Variants in CWC27 observed in about 807,000 individuals in gnomAD.
CWC27 encodes CWC27 spliceosome associated cyclophilin.
CWC27 carries 47 observed loss-of-function variants against 63.6 expected under a neutral mutation model. The observed-to-expected ratio is 0.74, with a 90% CI of 0.58 to 0.94. CWC27 has a LOEUF of 0.94. CWC27 is among the 40% of genes least tolerant of loss of function. The pLI, the probability that CWC27 is intolerant of heterozygous loss-of-function variation, is 0.00. For synonymous variants in CWC27, 175 were observed against 179.8 expected, an observed-to-expected ratio of 0.97 and a Z score of 0.22; for missense variants, 495 against 554.3, an observed-to-expected ratio of 0.89 and a Z score of 1.07.
At chr5:64,956,221 A>T (rs1248094155) in intron 11 of CWC27, among the ~76,000 whole-genome samples, 2 of 152,174 alleles carry the variant, frequency 1.3e-5, no homozygotes, top group Non-Finnish European at 2.9e-5. Flanking sequence ...AGGCTCACAA[A>T]CACCTATGAA....
At chr5:64,907,577 G>A (rs941570769) in intron 11 of CWC27, among the ~76,000 whole-genome samples, 5 of 152,120 alleles carry the variant, frequency 3.3e-5, no homozygotes, top group African/African-American at 7.2e-5. Flanking sequence ...AGACACTGGG[G>A]TTTTCCAAAT....
chr5:64,885,697 G>A, intron 11 of CWC27, 151 bp downstream of exon 11: 1 of 571,620 alleles, frequency 1.7e-6, no homozygotes, highest in Admixed American at 3.0e-5. Context: ...TCTTGAGTTA[G>A]GGTGTGTGTG....
chr5:64,875,164 C>T (rs1270962586), intron 10 of CWC27, among the ~76,000 whole-genome samples: 1 of 151,986 alleles, frequency 6.6e-6, no homozygotes, highest in Non-Finnish European at 1.5e-5. Context: ...ATAAAATTTT[C>T]TAAGATTTGA....
At chr5:64,780,517 G>A (rs1264616959) in intron 2 of CWC27, among the ~76,000 whole-genome samples, 1 of 148,130 alleles carries the variant, frequency 6.8e-6, no homozygotes, top group Non-Finnish European at 1.5e-5. Context: ...ATCTGATCAT[G>A]TGCACAGTGA....
chr5:64,912,541 CTT>C (rs999169914), intron 11 of CWC27, among the ~76,000 whole-genome samples: 2 of 151,618 alleles, frequency 1.3e-5, no homozygotes, highest in Non-Finnish European at 2.9e-5. Flanking sequence ...AAAAACAAAA[CTT>C]AGTGCAGTAG....
intron 10 of CWC27, among the ~76,000 whole-genome samples, chr5:64,833,102 T>C (rs1745571978): frequency 6.6e-6 from 1 of 151,814 alleles, no homozygotes; most frequent in Non-Finnish European, 1.5e-5. Flanking sequence ...TGTAAAGCTC[T>C]TAGAACAGTA....
chr5:64,996,847 G>A (rs555809984), intron 13 of CWC27, among the ~76,000 whole-genome samples: 273 of 152,122 alleles, frequency 1.8e-3, no homozygotes, highest in African/African-American at 6.1e-3. Flanking sequence ...AGAAATCGTC[G>A]CTTTCAGAGG....
intron 13 of CWC27, among the ~76,000 whole-genome samples, chr5:64,991,344 G>A (rs73760054): frequency 0.012 from 1,895 of 152,074 alleles, 49 homozygotes; most frequent in African/African-American, 0.043. Context: ...ATACATGTTA[G>A]ATATTTACCT....
intron 11 of CWC27, among the ~76,000 whole-genome samples, chr5:64,893,019 C>T (rs1018453221): frequency 1.4e-4 from 22 of 152,226 alleles, no homozygotes; most frequent in Admixed American, 1.4e-3. Context: ...AATTTGTCCA[C>T]TCTTGGAAAG....
chr5:64,769,179 G>C lies in CWC27; in HGVS notation c.33G>C (p.Thr11=). The C allele has an allele frequency of 6.2e-7, 1 of 1,614,078 alleles. No homozygotes were observed. The highest frequency in any genetic ancestry group is 8.5e-7 in the Non-Finnish European group (1 of 1,179,978). MSNIYIQEPP[T]NGKVLLKTTA... ...ACATCTACATCCAGGAGCCTCCCAC[G>C]AATGGGAAGGTGAGAGCCTCATCTA... The change falls in exon 1 of 14, where the codon ACG becomes ACC. Residue 11 remains threonine (T), a synonymous_variant. Transcript: ENST00000381070.
chr5:64,818,431 A>G, intron 10 of CWC27, among the ~76,000 whole-genome samples: 1 of 152,152 alleles, frequency 6.6e-6, no homozygotes, highest in East Asian at 1.9e-4. Context: ...AAATTAATAG[A>G]ATTTCCGGAT....
intron 11 of CWC27, among the ~76,000 whole-genome samples, chr5:64,954,476 A>G (rs916033563): frequency 6.6e-6 from 1 of 151,866 alleles, no homozygotes; most frequent in Non-Finnish European, 1.5e-5. Flanking sequence ...AAGACATGGG[A>G]TCTCGCTATG....
At chr5:64,936,751 CTAT>C (rs1259240556) in intron 11 of CWC27, among the ~76,000 whole-genome samples, 1 of 152,068 alleles carries the variant, frequency 6.6e-6, no homozygotes. Context: ...GGTTGGTACG[CTAT>C]TAATTACTGC....
intron 7 of CWC27, among the ~76,000 whole-genome samples, chr5:64,799,606 A>ATAT (rs1272954189): frequency 2.0e-5 from 3 of 149,636 alleles, no homozygotes; most frequent in East Asian, 2.0e-4. Flanking sequence ...ATATATACTT[A>ATAT]ATAGCAGCAG....
At chr5:64,999,572 G>C (rs1400168332) in intron 13 of CWC27, among the ~76,000 whole-genome samples, 1 of 152,060 alleles carries the variant, frequency 6.6e-6, no homozygotes, top group Admixed American at 6.6e-5. Flanking sequence ...CCACATGTGA[G>C]TGAGAATATG....
At chr5:64,822,730 T>A (rs891828538) in intron 10 of CWC27, among the ~76,000 whole-genome samples, 1 of 152,170 alleles carries the variant, frequency 6.6e-6, no homozygotes, top group South Asian at 2.1e-4. Flanking sequence ...TTAATTTTTT[T>A]AAAACTAGAG....
intron 11 of CWC27, among the ~76,000 whole-genome samples, chr5:64,888,179 C>T (rs2112347336): frequency 6.6e-6 from 1 of 151,276 alleles, no homozygotes; most frequent in Admixed American, 6.6e-5. Flanking sequence ...AGGATGGGGA[C>T]AAGCTAAAAG....
intron 11 of CWC27, among the ~76,000 whole-genome samples, chr5:64,930,722 A>G (rs1748219742): frequency 6.6e-6 from 1 of 152,120 alleles, no homozygotes; most frequent in Admixed American, 6.6e-5. Context: ...TTGCACACTG[A>G]TCTGTAATAG....
chr5:64,975,485 AT>A (rs1749213290), intron 12 of CWC27, among the ~76,000 whole-genome samples: 2 of 152,186 alleles, frequency 1.3e-5, no homozygotes, highest in Admixed American at 1.3e-4. Flanking sequence ...CCATTTCATA[AT>A]GATGGACTCT....
Sources: gnomAD v4.1 joint callset for allele counts (sites outside exome capture counted in the v4.1 genomes callset) on GRCh38, gnomAD v4.1.1 for gene constraint, MANE v1.5 for transcripts, NCBI Gene and HGNC (gene_info 2026-07-23, HGNC 2026-07-21) for gene names.